The following RXYLT1 variants were observed in gnomAD, a reference collection of about 807,000 sequenced individuals.
RXYLT1 encodes the protein ribitol xylosyltransferase 1.
In RXYLT1, 41 loss-of-function variants were observed where a neutral mutation model predicts 43.5. The observed-to-expected ratio is 0.94, with a 90% confidence interval of 0.73 to 1.22. The LOEUF (loss-of-function observed/expected upper bound fraction) is 1.22, where lower values mean the gene tolerates loss of function less well. Ranked by LOEUF, RXYLT1 falls within the 50% of genes most tolerant of loss-of-function variation. The pLI, the probability that RXYLT1 is intolerant of heterozygous loss-of-function variation, is 0.00. For synonymous variants in RXYLT1, 166 were observed against 194.4 expected (o/e 0.85, Z 1.21); for missense variants, 514 against 532.0 (o/e 0.97, Z 0.33).
chr12:63,791,087 T>G (rs1897912177), intron 3 of RXYLT1, among the ~76,000 whole-genome samples: 1 of 152,214 alleles, frequency 6.6e-6, no homozygotes, highest in Non-Finnish European at 1.5e-5. Flanking sequence ...TATTGATACA[T>G]TCTTTATATT....
At position 63,780,149 on chromosome 12, in the gene RXYLT1, T is replaced by G; in HGVS notation, c.169+20T>G. On this transcript the variant is annotated intron_variant, in intron 1 of 5. Transcript: ENST00000261234. ...GCCGAGGTAGGACTGGGTCGGCGGC[T>G]TCCTTCCGGCTCTGCGCTCCTGGCT... 3 of 1,453,148 alleles carry G rather than the reference T, an allele frequency of 2.1e-6. No homozygotes were observed. In the African/African-American group the frequency reaches 4.5e-5, roughly 22 times the overall value. The allele number at this position is 1,453,148 out of a possible 1,614,324, so 90.0% of individuals were successfully genotyped here.
At chr12:63,805,972 T>G (rs924924454) in intron 5 of RXYLT1, 1 of 152,220 alleles carries the variant, frequency 6.6e-6, no homozygotes, top group African/African-American at 2.4e-5. Context: ...AAACAGGTGT[T>G]CATGTTGTGA....
rs1897631480 is a variant in RXYLT1 at position 63,779,937 on chromosome 12, T to C, written c.-24T>C. The C allele has an allele frequency of 1.2e-6, 2 of 1,609,164 alleles. No homozygotes were observed. The highest frequency in any genetic ancestry group is 1.7e-6 in the Non-Finnish European group (2 of 1,178,694). Reference sequence around the variant, plus strand: ...TTTCCGCCCGCTCCATGGCGGTGGATGCCTGACTGGAAGCCCGAGTGGGAT... The same window carrying C: ...TTTCCGCCCGCTCCATGGCGGTGGACGCCTGACTGGAAGCCCGAGTGGGAT... On this transcript the variant is annotated 5_prime_UTR_variant, in exon 1 of 6. An upstream start codon of the reference 5' UTR is lost. Coordinates refer to ENST00000261234, the MANE Select transcript of RXYLT1 (RefSeq NM_014254.3).
rs1897639525 is a variant in RXYLT1, at chr12:63,780,107, C to T, written c.147C>T (p.Pro49=). The T allele has an allele frequency of 2.6e-6, 4 of 1,539,866 alleles. No homozygotes were observed. The highest frequency in any genetic ancestry group is 1.2e-5 in the South Asian group (1 of 84,802). The change falls in exon 1 of 6, where the codon CCC becomes CCT. Residue 49 remains proline, a synonymous_variant. Coordinates refer to ENST00000261234, the MANE Select transcript of RXYLT1 (RefSeq NM_014254.3). ...SPRGLRKGAA[P]ARERRGREQS... Reference sequence around the variant, plus strand: ...GGGGCCTCAGGAAGGGGGCGGCCCCCGCGCGGGAGAGACGCGGCCGAGGTA... The same window carrying T: ...GGGGCCTCAGGAAGGGGGCGGCCCCTGCGCGGGAGAGACGCGGCCGAGGTA...
chr12:63,785,197 A>C (rs1008735303), intron 3 of RXYLT1, 125 bp downstream of exon 3: 17 of 547,562 alleles, frequency 3.1e-5, no homozygotes, highest in Non-Finnish European at 4.8e-5. Flanking sequence ...TCAACTTGTA[A>C]AGAATAGAGA....
chr12:63,789,275 TG>T (rs1379096891), intron 3 of RXYLT1, among the ~76,000 whole-genome samples: 1 of 152,076 alleles, frequency 6.6e-6, no homozygotes, highest in East Asian at 1.9e-4. Context: ...TGGGGAGAAA[TG>T]GGGGAATACT....
intron 3 of RXYLT1, among the ~76,000 whole-genome samples, chr12:63,797,405 G>T (rs1290861656): frequency 6.6e-6 from 1 of 152,146 alleles, no homozygotes. Flanking sequence ...ATCAACAAAT[G>T]TTTTCTAAAG....
intron 3 of RXYLT1, among the ~76,000 whole-genome samples, chr12:63,796,870 T>C (rs530604614): frequency 6.6e-6 from 1 of 151,696 alleles, no homozygotes; most frequent in African/African-American, 2.4e-5. Flanking sequence ...GCAATAGTCC[T>C]GTCGATAAAA....
intron 3 of RXYLT1, among the ~76,000 whole-genome samples, chr12:63,794,241 G>A (rs959620365): frequency 1.3e-5 from 2 of 152,096 alleles, no homozygotes; most frequent in Non-Finnish European, 2.9e-5. Flanking sequence ...CTATTGATGT[G>A]TAGCTGTTGT....
At chr12:63,805,509 C>A in intron 5 of RXYLT1, 105 bp downstream of exon 5, 2 of 1,088,798 alleles carry the variant, frequency 1.8e-6, no homozygotes, top group Non-Finnish European at 2.6e-6. Context: ...TCTATTTGTA[C>A]CAATCTTTCC....
In RXYLT1 at chr12:63,794,108, T is replaced by C. The variant is rs879793645; in HGVS notation, c.429-7983T>C. On this transcript the variant is annotated intron_variant, in intron 3 of 5. Transcript: ENST00000261234. ...TTTAAGTGATAACTTTTCGTGTTAC[T>C]GGTACACTCCAGTAGGATTCTCTGG... 3.3e-5 allele frequency among the ~76,000 whole-genome samples: 5 copies of C among 152,218 alleles called. No individual in the cohort carries two copies. In the East Asian group the frequency reaches 7.7e-4, roughly 23 times the overall value.
At chr12:63,807,127 C>G (rs906455621) in intron 5 of RXYLT1, 2 of 152,302 alleles carry the variant, frequency 1.3e-5, no homozygotes, top group African/African-American at 4.8e-5. Context: ...GTGTAATAAT[C>G]TGACTCTGAC....
chr12:63,808,617 G>C (rs1898365932), intron 5 of RXYLT1, 58 bp from the exon 6 acceptor site: 1 of 1,540,730 alleles, frequency 6.5e-7, no homozygotes, highest in Non-Finnish European at 8.7e-7. Context: ...AGGTATTTTT[G>C]TTCACAAACT....
chr12:63,803,275 G>A (rs775397476), intron 4 of RXYLT1, among the ~76,000 whole-genome samples: 3 of 143,266 alleles, frequency 2.1e-5, no homozygotes, highest in Non-Finnish European at 3.0e-5. Flanking sequence ...TTAATAGGAT[G>A]TTTTTAATTA....
chr12:63,790,219 AG>A (rs1373299722), intron 3 of RXYLT1: 1 of 152,264 alleles, frequency 6.6e-6, no homozygotes. Context: ...CTTTCCATAC[AG>A]GCAGGCTACA....
At position 63,781,118 on chromosome 12, in the gene RXYLT1, A is replaced by T; in HGVS notation, c.269A>T (p.Lys90Ile). 1 of 1,608,900 alleles carries T rather than the reference A, an allele frequency of 6.2e-7. No individual in the cohort carries two copies. Among genetic ancestry groups the T allele is most frequent in the Non-Finnish European group, 8.5e-7 (1 of 1,178,118 alleles). The change falls in exon 2 of 6, where the codon AAA (lysine) becomes ATA (isoleucine). Residue 90 changes from lysine to isoleucine, a missense_variant. Transcript: ENST00000261234. ...AAAACTAGCCTTCAAATATTAGATA[A>T]ATCCACGAAAGGAAAAACAGATCTC... ...RFKTSLQILD[K>I]STKGKTDLSV...
intron 5 of RXYLT1, chr12:63,805,824 A>G (rs1898278792): frequency 6.5e-6 from 1 of 154,010 alleles, no homozygotes; most frequent in African/African-American, 2.4e-5. Context: ...CAGGACATGG[A>G]CCTTGTATTC....
At chr12:63,780,178 G>T (rs893276193) in intron 1 of RXYLT1, 49 bp downstream of exon 1, 20 of 1,406,530 alleles carry the variant, frequency 1.4e-5, no homozygotes, top group Non-Finnish European at 1.7e-5. Flanking sequence ...CCTGGCTGGG[G>T]CTGCTGGGCG....
chr12:63,782,811 G>T, intron 2 of RXYLT1: 1 of 209,582 alleles, frequency 4.8e-6, no homozygotes, highest in African/African-American at 2.3e-5. Flanking sequence ...CACATCCTTG[G>T]TCTTGTTTCT....
Sources: gnomAD v4.1 joint callset for allele counts (sites outside exome capture counted in the v4.1 genomes callset) on GRCh38, gnomAD v4.1.1 for gene constraint, MANE v1.5 for transcripts, NCBI Gene and HGNC (gene_info 2026-07-23, HGNC 2026-07-21) for gene names.